Variants in NOL4L observed in about 807,000 individuals in gnomAD.
NOL4L encodes the protein nucleolar protein 4-like.
In NOL4L, 7 loss-of-function variants were observed where a neutral mutation model predicts 64.5. That is an observed-to-expected ratio of 0.11 (90% confidence interval 0.06 to 0.20). NOL4L has a LOEUF of 0.20. Ranked by LOEUF, NOL4L falls within the 10% of genes least tolerant of loss-of-function variation. NOL4L has a pLI of 1.00. For synonymous variants in NOL4L, 413 were observed against 401.0 expected, an observed-to-expected ratio of 1.03 and a Z score of -0.36; for missense variants, 680 against 967.1, an observed-to-expected ratio of 0.70 and a Z score of 3.94.
intron 5 of NOL4L, among the ~76,000 whole-genome samples, chr20:32,468,916 A>G (rs1190964759): frequency 4.2e-5 from 6 of 144,562 alleles, no homozygotes; most frequent in Non-Finnish European, 9.0e-5. Context: ...AAAAAAAAAA[A>G]AAAAGAAAGA....
At chr20:32,510,032 CA>C (rs2017325286) in intron 4 of NOL4L, 8 of 1,050,880 alleles carry the variant, frequency 7.6e-6, no homozygotes, top group Non-Finnish European at 1.1e-5. Context: ...ATTCTATAAC[CA>C]ACAACAAAAG....
Position 32,527,886 on chromosome 20 carries a change from C to T in NOL4L, c.349G>A (p.Gly117Ser). 6.4e-7 allele frequency: 1 copy of T among 1,550,472 alleles called. No homozygotes were observed. Among genetic ancestry groups the T allele is most frequent in the Non-Finnish European group, 8.7e-7 (1 of 1,146,930 alleles). ...SGADGLSEPE[G>S]ISLKRVAVVE... ...ACAGCGACCCGCTTCAGAGAGATGCCCTCTGGCTCCGACAGGCCATCTGCC... is the reference window on the plus strand; with the variant it reads ...ACAGCGACCCGCTTCAGAGAGATGCTCTCTGGCTCCGACAGGCCATCTGCC... Residue 117 changes from glycine to serine, a missense_variant, in exon 2 of 11, where the codon GGC becomes AGC. Gly to Ser is a moderately conservative substitution (Grantham distance 56). Coordinates refer to ENST00000621426, the MANE Select transcript of NOL4L (RefSeq NM_001256798.2).
Position 32,464,319 on chromosome 20 carries a change from G to A in NOL4L, c.842-7924C>T, listed in dbSNP as rs1323889078. Among the ~76,000 whole-genome samples, 4 of 152,220 alleles carry A rather than the reference G, an allele frequency of 2.6e-5. No individual in the cohort carries two copies. Among genetic ancestry groups the A allele is most frequent in the Admixed American group, 1.3e-4 (2 of 15,286 alleles). On this transcript the variant is annotated intron_variant, in intron 5 of 10. Coordinates refer to ENST00000621426, the MANE Select transcript of NOL4L (RefSeq NM_001256798.2). This position sits in a 1 kb window ranked among gnomAD's most constrained non-coding sequence, Gnocchi z 5.6. ...CTTCCTCCAGAAAGGCAGGAGGGGTGCAGGGGTCAAATGGGGGACACTAGG... is the reference window on the plus strand; with the variant it reads ...CTTCCTCCAGAAAGGCAGGAGGGGTACAGGGGTCAAATGGGGGACACTAGG...
intron 3 of NOL4L, 72 bp from the exon 4 acceptor site, chr20:32,511,528 C>T (rs1210552994): frequency 4.5e-6 from 5 of 1,105,536 alleles, no homozygotes; most frequent in Non-Finnish European, 6.6e-6. Context: ...GAGCATTTAA[C>T]AGAGCCCGTG....
chr20:32,485,551 C>T, intron 4 of NOL4L: 1 of 331,522 alleles, frequency 3.0e-6, no homozygotes, highest in Non-Finnish European at 6.1e-6. Context: ...CTCATTTGCA[C>T]CTTTTATTCC....
At chr20:32,505,167 G>A (rs910451661) in intron 4 of NOL4L, among the ~76,000 whole-genome samples, 1 of 152,182 alleles carries the variant, frequency 6.6e-6, no homozygotes, top group African/African-American at 2.4e-5. Context: ...TTGAGTAAGT[G>A]ACAGTCTCTC....
Position 32,453,203 on chromosome 20 carries a change from C to T in NOL4L, c.1497+101G>A. ...ATTATGGTACTTGCTTCCAGGGCTC[C>T]TGGGAAGACCCTGGGTGAAGGGGCC... On this transcript the variant is annotated intron_variant, in intron 8 of 10. Transcript: ENST00000621426. The surrounding 1 kb of genome is among the most constrained non-coding windows in gnomAD (Gnocchi z 5.6). The T allele has an allele frequency of 6.8e-7, 1 of 1,470,890 alleles. No individual in the cohort carries two copies. The highest frequency in any genetic ancestry group is 9.2e-7 in the Non-Finnish European group (1 of 1,086,172). The allele number at this position is 1,470,890 out of a possible 1,614,324, so 91.1% of individuals were successfully genotyped here. A position where few individuals can be genotyped will look rare whatever the true frequency, so the allele number is the denominator to read the frequency against.
At chr20:32,488,874 T>C (rs2016321882) in intron 4 of NOL4L, among the ~76,000 whole-genome samples, 2 of 103,212 alleles carry the variant, frequency 1.9e-5, no homozygotes, top group Admixed American at 9.5e-5. Flanking sequence ...TTTCTTTCTT[T>C]CTTTCTTTCT....
chr20:32,500,522 T>G (rs1347778038), intron 4 of NOL4L, among the ~76,000 whole-genome samples: 1 of 142,146 alleles, frequency 7.0e-6, no homozygotes, highest in Non-Finnish European at 1.5e-5. Flanking sequence ...CCCAGCTAAT[T>G]TTTTTGTATT....
At chr20:32,451,254 C>T (rs2012873939) in intron 10 of NOL4L, among the ~76,000 whole-genome samples, 1 of 152,236 alleles carries the variant, frequency 6.6e-6, no homozygotes, top group Non-Finnish European at 1.5e-5. Context: ...TGGCTTCTGC[C>T]TCTTGCTCTG....
chr20:32,484,687 G>C (rs971415787), intron 4 of NOL4L, among the ~76,000 whole-genome samples: 8 of 152,070 alleles, frequency 5.3e-5, no homozygotes, highest in African/African-American at 1.9e-4. Flanking sequence ...TAATCTCGGG[G>C]ACGTCGCTCC....
At chr20:32,507,841 T>C (rs1418716581) in intron 4 of NOL4L, among the ~76,000 whole-genome samples, 3 of 151,972 alleles carry the variant, frequency 2.0e-5, no homozygotes, top group Non-Finnish European at 4.4e-5. Flanking sequence ...ACCATGTCTC[T>C]ACTAAAAATA....
intron 5 of NOL4L, among the ~76,000 whole-genome samples, chr20:32,471,622 G>T (rs1008856809): frequency 3.3e-5 from 5 of 152,178 alleles, no homozygotes; most frequent in African/African-American, 1.2e-4. Context: ...ATGGGGTGCT[G>T]ATATGGTTGG....
intron 1 of NOL4L, among the ~76,000 whole-genome samples, chr20:32,582,364 G>A (rs56018601): frequency 0.054 from 8,204 of 152,240 alleles, 703 homozygotes; most frequent in African/African-American, 0.18. Context: ...CAGGCAGAGC[G>A]GGTCAGCGTG....
chr20:32,526,502 TAAA>T (rs1173126909), intron 2 of NOL4L, among the ~76,000 whole-genome samples: 14 of 127,142 alleles, frequency 1.1e-4, no homozygotes, highest in Non-Finnish European at 1.0e-4. Flanking sequence ...ATGGTTGCAT[TAAA>T]AAAAAAAAAA....
At position 32,453,761 on chromosome 20, in the gene NOL4L, A is replaced by G. The variant is rs2013182596; in HGVS notation, c.1120T>C (p.Ser374Pro). 6.4e-7 allele frequency: 1 copy of G among 1,551,482 alleles called. No individual in the cohort carries two copies. The highest frequency in any genetic ancestry group is 8.7e-7 in the Non-Finnish European group (1 of 1,147,170). ...VKYGVKTTPE[S>P]PPYSSGSYDS... ...TAGCTCCCAGAGCTGTAGGGGGGGG[A>G]CTAAAAGGAGGGCAAGAGGCAGAGG... The change falls in exon 7 of 11, where the codon TCC (serine) becomes CCC (proline). Residue 374 changes from serine to proline, a missense_variant and splice_region_variant. Physicochemically the swap from Ser to Pro is moderately conservative, Grantham distance 74. Around this residue, in one of 4 missense-constraint regions of NOL4L, gnomAD observed 254 missense variants for 238.7 expected, o/e 1.06. Transcript: ENST00000621426. This position sits in a 1 kb window ranked among gnomAD's most constrained non-coding sequence, Gnocchi z 5.6.
At chr20:32,486,704 G>A (rs1490979612) in intron 4 of NOL4L, 1 of 470,838 alleles carries the variant, frequency 2.1e-6, no homozygotes, top group East Asian at 7.0e-5. Context: ...ACCTGCAATG[G>A]GGCGATCTGG....
intron 5 of NOL4L, among the ~76,000 whole-genome samples, chr20:32,462,915 A>AAAAAAAAAAAAAAC (rs1389511738): frequency 1.3e-5 from 2 of 150,380 alleles, no homozygotes; most frequent in African/African-American, 2.4e-5. Context: ...AAAAAAAAAA[A>AAAAAAAAAAAAAAC]AAAAAAAACT....
At chr20:32,537,470 A>G (rs2018567540) in intron 1 of NOL4L, among the ~76,000 whole-genome samples, 1 of 152,194 alleles carries the variant, frequency 6.6e-6, no homozygotes, top group African/African-American at 2.4e-5. Context: ...GCAACGAGAG[A>G]TCTGTTGTCC....
Sources: allele counts gnomAD v4.1 joint callset (sites outside exome capture counted in the v4.1 genomes callset), GRCh38; gene constraint gnomAD v4.1.1; regional missense constraint gnomAD v4.1.1; non-coding constraint Gnocchi (gnomAD v3.1); transcripts MANE v1.5; gene names NCBI Gene and HGNC (gene_info 2026-07-23, HGNC 2026-07-21).